Variants in DNHD1 observed in about 807,000 individuals in gnomAD.
The protein encoded by DNHD1 is dynein heavy chain domain 1.
Under a neutral mutation model 458.1 loss-of-function variants are expected in DNHD1, and 383 were observed. The ratio of observed to expected loss-of-function variants is 0.84; its 90% confidence interval spans 0.77 to 0.91. DNHD1 has a LOEUF of 0.91. Among genes scored for constraint, DNHD1 ranks in the 40% least tolerant of loss-of-function variants. The pLI is 0.00. For synonymous variants in DNHD1, 2,203 were observed against 2,376.9 expected, an observed-to-expected ratio of 0.93 and a Z score of 2.13; for missense variants, 5,336 against 5,866.1, an observed-to-expected ratio of 0.91 and a Z score of 2.95.
At position 6,546,334 on chromosome 11, in the gene DNHD1, CT is replaced by C; in HGVS notation, c.5397del (p.Gly1800AlafsTer11). 6.4e-7 allele frequency: 1 copy of C among 1,552,388 alleles called. No homozygotes were observed. Among genetic ancestry groups the C allele is most frequent in the Non-Finnish European group, 8.7e-7 (1 of 1,147,146 alleles). ...TGAAAAACATCACGTGTCTGTGCGC[CT>C]TGGCTATGGCTGTCTCCTGGTACTG... Reference protein sequence around the residue: ...FFEKHHVSVRLGYGCLLVLRA... With the variant: ...FFEKHHVSVRXGYGCLLVLRA... On this transcript the variant is annotated frameshift_variant, in exon 21 of 43. Coordinates refer to ENST00000254579, the MANE Select transcript of DNHD1 (RefSeq NM_144666.3).
chr11:6,549,397 A>G (rs549880570), intron 24 of DNHD1, among the ~76,000 whole-genome samples: 3 of 152,282 alleles, frequency 2.0e-5, no homozygotes, highest in South Asian at 4.1e-4. Context: ...TATTTCTTGA[A>G]TCTTTCCACT....
In DNHD1 at chr11:6,534,043, C is replaced by T; in HGVS notation, c.2868C>T (p.Leu956=). 1 of 1,551,626 alleles carries T rather than the reference C, an allele frequency of 6.4e-7. No individual in the cohort carries two copies. Residue 956 remains leucine (L), a synonymous_variant, in exon 14 of 43, where the codon CTC becomes CTT. Coordinates refer to ENST00000254579, the MANE Select transcript of DNHD1 (RefSeq NM_144666.3). ...AELEGLLAKA[L]SGPFMDPTQD... is the part of the protein sequence containing the mutation. ...TGGAAGGCCTGCTTGCGAAGGCCCT[C>T]TCCGGTCCCTTTATGGACCCCACAC...
At position 6,511,322 on chromosome 11, in the gene DNHD1, C is replaced by T. The variant is rs758445340; in HGVS notation, c.1285C>T (p.Arg429Trp). 1.1e-5 allele frequency: 18 copies of T among 1,614,116 alleles called. No individual in the cohort carries two copies. The highest frequency in any genetic ancestry group is 1.6e-4 in the Middle Eastern group (1 of 6,084). ...GTCCTGGCTACCCCAGGAACTGGATCGGTGCTATGAGCTGCTGGACCTGCA... is the reference window on the plus strand; with the variant it reads ...GTCCTGGCTACCCCAGGAACTGGATTGGTGCTATGAGCTGCTGGACCTGCA... ...SVSWLPQELD[R>W]CYELLDLQTA... is the part of the protein sequence containing the mutation. Residue 429 changes from arginine (R) to tryptophan (W), a missense_variant, in exon 7 of 43, where the codon CGG becomes TGG. By Grantham distance (101) the Arg-to-Trp change is moderately radical. This residue lies in a region of DNHD1 where 3,932 missense variants were observed against 4,365.6 expected (regional missense o/e 0.90). Transcript: ENST00000254579.
intron 24 of DNHD1, among the ~76,000 whole-genome samples, chr11:6,555,382 CCTT>C (rs1383880491): frequency 2.0e-5 from 3 of 152,158 alleles, no homozygotes; most frequent in Non-Finnish European, 4.4e-5. Context: ...TTGAATTTGT[CCTT>C]CTATCTAAAG....
At chr11:6,500,263 A>G (rs1852107750) in intron 3 of DNHD1, among the ~76,000 whole-genome samples, 1 of 152,208 alleles carries the variant, frequency 6.6e-6, no homozygotes, top group Admixed American at 6.5e-5. Flanking sequence ...ACCGTGCCCA[A>G]GAGAGTTTTT....
intron 32 of DNHD1, 143 bp downstream of exon 32, chr11:6,564,947 A>T: frequency 1.4e-6 from 1 of 698,660 alleles, no homozygotes. Flanking sequence ...TACTATAGGA[A>T]CAAATTTGGT....
In DNHD1 at chr11:6,546,297, C is replaced by CA; in HGVS notation, c.5359dup (p.Ser1787LysfsTer2). On this transcript the variant is annotated frameshift_variant, in exon 21 of 43. Transcript: ENST00000254579. ...ACCCCACCCAGCCCCAGCTCCTTGG[C>CA]AGTAGCTTCTTTGAAAAACATCACG... The CA allele has an allele frequency of 6.4e-7, 1 of 1,552,408 alleles. No individual in the cohort carries two copies.
Position 6,571,280 on chromosome 11 carries a change from C to T in DNHD1, c.13768C>T (p.Arg4590Cys), listed in dbSNP as rs766895272. 5 of 1,612,250 alleles carry T rather than the reference C, an allele frequency of 3.1e-6. No homozygotes were observed. Among genetic ancestry groups the T allele is most frequent in the South Asian group, 1.1e-5 (1 of 90,826 alleles). Reference protein sequence around the residue: ...VFHLSAFRHPRRLLLALRGEA... With the variant: ...VFHLSAFRHPCRLLLALRGEA... ...CCACCTGTCAGCCTTTCGCCACCCG[C>T]GCCGCCTGCTGCTGGCATTGCGTGG... Residue 4590 changes from arginine to cysteine, a missense_variant, in exon 42 of 43, where the codon CGC (arginine) becomes TGC (cysteine). Arg to Cys is a radical substitution (Grantham distance 180). Around this residue, in one of 4 missense-constraint regions of DNHD1, gnomAD observed 698 missense variants for 664.9 expected, o/e 1.05. Coordinates refer to ENST00000254579, the MANE Select transcript of DNHD1 (RefSeq NM_144666.3). The surrounding 1 kb of genome is among the most constrained non-coding windows in gnomAD (Gnocchi z 5.0).
Position 6,547,226 on chromosome 11 carries a change from AC to A in DNHD1, c.6288del (p.Ser2097ProfsTer6). On this transcript the variant is annotated frameshift_variant, in exon 21 of 43. Transcript: ENST00000254579. LOFTEE classifies it high-confidence loss of function. ...GGAGCCTCCAATGGTGCTTGGCTGG[AC>A]TCCATCACTTGCCTCCTGAGTGAGC... is the stretch of plus-strand genomic sequence containing the variant. The part of the protein sequence containing the change: ...CDGASNGAWL[D>X]SITCLLSELP... The A allele has an allele frequency of 1.3e-6, 2 of 1,551,650 alleles. No individual in the cohort carries two copies. Among genetic ancestry groups the A allele is most frequent in the Middle Eastern group, 1.7e-4 (1 of 5,992 alleles).
At position 6,563,466 on chromosome 11, in the gene DNHD1, T is replaced by C; in HGVS notation, c.9754T>C (p.Ser3252Pro). The change falls in exon 30 of 43, where the codon TCT becomes CCT. Residue 3252 changes from serine (S) to proline (P), a missense_variant. By Grantham distance (74) the Ser-to-Pro change is moderately conservative. Around this residue, in one of 4 missense-constraint regions of DNHD1, gnomAD observed 3,932 missense variants for 4,365.6 expected, o/e 0.90. Coordinates refer to ENST00000254579, the MANE Select transcript of DNHD1 (RefSeq NM_144666.3). ...ACGGAGCTATCGAGCACCACCAGAATCTGTGGTCCGGGTAACTGATGCAAT... is the reference window on the plus strand; with the variant it reads ...ACGGAGCTATCGAGCACCACCAGAACCTGTGGTCCGGGTAACTGATGCAAT... ...EIRSYRAPPE[S>P]VVRVTDAMCD... The C allele has an allele frequency of 6.4e-7, 1 of 1,551,640 alleles. No homozygotes were observed. Among genetic ancestry groups the C allele is most frequent in the Non-Finnish European group, 8.7e-7 (1 of 1,146,954 alleles).
intron 7 of DNHD1, among the ~76,000 whole-genome samples, chr11:6,513,516 T>A (rs1161707757): frequency 6.6e-6 from 1 of 152,226 alleles, no homozygotes; most frequent in Non-Finnish European, 1.5e-5. Context: ...TTTGTGAGAT[T>A]TATCCGTAAT....
rs752491082 is a variant in DNHD1, at chr11:6,509,258, A to G, written c.1221A>G (p.Leu407=). The change falls in exon 6 of 43, where the codon CTA becomes CTG. Residue 407 remains leucine, a synonymous_variant. Coordinates refer to ENST00000254579, the MANE Select transcript of DNHD1 (RefSeq NM_144666.3). The stretch of plus-strand genomic sequence containing the variant: ...CTGTGCCCCACTTTGGAGCTGGGCT[A>G]CTCCATATTAGCAGGTGAGGTATTA... ...LLAVPHFGAG[L]LHISRLLQEL... is the part of the protein sequence containing the mutation. 1 of 1,613,342 alleles carries G rather than the reference A, an allele frequency of 6.2e-7. No homozygotes were observed. Among genetic ancestry groups the G allele is most frequent in the East Asian group, 2.2e-5 (1 of 44,888 alleles).
Position 6,564,753 on chromosome 11 carries a change from C to T in DNHD1, c.10705C>T (p.Leu3569=). The T allele has an allele frequency of 1.3e-6, 2 of 1,545,534 alleles. No homozygotes were observed. Among genetic ancestry groups the T allele is most frequent in the Non-Finnish European group, 1.8e-6 (2 of 1,142,330 alleles). The change falls in exon 32 of 43, where the codon CTG becomes TTG. Residue 3569 remains leucine, a synonymous_variant. Coordinates refer to ENST00000254579, the MANE Select transcript of DNHD1 (RefSeq NM_144666.3). ...SNEALIWLDP[L]PLEENRSFAP... ...CGAGGCCCTCATCTGGTTGGACCCG[C>T]TGCCTCTGGAAGAGAATCGATCTTT...
At chr11:6,550,026 A>T (rs1280441223) in intron 24 of DNHD1, among the ~76,000 whole-genome samples, 1 of 152,224 alleles carries the variant, frequency 6.6e-6, no homozygotes, top group Admixed American at 6.5e-5. Flanking sequence ...ATCCAGTTAA[A>T]CAGCGAAGTC....
chr11:6,518,625 G>T (rs889130939), intron 7 of DNHD1, among the ~76,000 whole-genome samples: 1 of 152,192 alleles, frequency 6.6e-6, no homozygotes, highest in East Asian at 1.9e-4. Flanking sequence ...TCCTAAAGGA[G>T]CTTACAGTGT....
Position 6,505,683 on chromosome 11 carries a change from G to T in DNHD1, c.920+2757G>T, listed in dbSNP as rs1370487954. Among the ~76,000 whole-genome samples, 1 of 152,200 alleles carries T rather than the reference G, an allele frequency of 6.6e-6. No homozygotes were observed. Among genetic ancestry groups the T allele is most frequent in the Non-Finnish European group, 1.5e-5 (1 of 68,032 alleles). On this transcript the variant is annotated intron_variant, in intron 4 of 42. Transcript: ENST00000254579. The surrounding 1 kb of genome is among the most constrained non-coding windows in gnomAD (Gnocchi z 4.4). ...TATTATGAGTGGTCCCAGGAAACTA[G>T]CCTCTAATATAGGATCTTCTTTGGT...
chr11:6,535,611 C>G (rs1241857933), intron 14 of DNHD1, among the ~76,000 whole-genome samples: 1 of 152,030 alleles, frequency 6.6e-6, no homozygotes, highest in African/African-American at 2.4e-5. Flanking sequence ...ATTTGATCAC[C>G]AAAGTAAGTA....
chr11:6,563,256 G>A (rs893450600), intron 29 of DNHD1, 125 bp downstream of exon 29: 9 of 1,510,376 alleles, frequency 6.0e-6, no homozygotes, highest in Non-Finnish European at 8.1e-6. Flanking sequence ...GGGGACAAAG[G>A]TAATAGGATG....
intron 10 of DNHD1, 93 bp downstream of exon 10, chr11:6,520,382 C>A: frequency 1.3e-6 from 2 of 1,546,706 alleles, no homozygotes; most frequent in Non-Finnish European, 1.7e-6. Context: ...GAGGTCCAGG[C>A]TATAGAGTCA....
Sources: gnomAD v4.1 joint callset for allele counts (sites outside exome capture counted in the v4.1 genomes callset) on GRCh38, gnomAD v4.1.1 for gene constraint, gnomAD v4.1.1 regional missense constraint, Gnocchi (gnomAD v3.1) non-coding constraint, MANE v1.5 for transcripts, NCBI Gene and HGNC (gene_info 2026-07-23, HGNC 2026-07-21) for gene names.